MROH7: variants seen among roughly 807,000 people sequenced by gnomAD.
MROH7 encodes maestro heat-like repeat-containing protein family member 7.
In MROH7, 113 loss-of-function variants were observed where a neutral mutation model predicts 129.2. The ratio of observed to expected loss-of-function variants is 0.87; its 90% CI spans 0.75 to 1.02. The LOEUF (loss-of-function observed/expected upper bound fraction) is 1.02, where lower values mean the gene tolerates loss of function less well. Among genes scored for constraint, MROH7 ranks in the 50% least tolerant of loss-of-function variants. The probability of loss-of-function intolerance (pLI) is 0.00; values close to 1 mark genes in which losing one functional copy is unlikely to be tolerated. For missense variants in MROH7, 1,601 were observed against 1,671.3 expected (o/e 0.96, Z 0.73); for synonymous variants, 655 against 667.9 (o/e 0.98, Z 0.30).
At chr1:54,700,188 C>G (rs1645410091) in intron 17 of MROH7, 133 bp from the exon 18 acceptor site, 2 of 1,124,968 alleles carry the variant, frequency 1.8e-6, no homozygotes, top group Non-Finnish European at 2.6e-6. Flanking sequence ...TTCCAGCAAT[C>G]TGTTGGTTTT....
chr1:54,673,834 T>G (rs770798868), intron 9 of MROH7, 29 bp downstream of exon 9: 10 of 1,589,228 alleles, frequency 6.3e-6, no homozygotes, highest in South Asian at 4.4e-5. Flanking sequence ...GGGTGGACAC[T>G]CTTAGGGAAA....
intron 14 of MROH7, among the ~76,000 whole-genome samples, chr1:54,683,240 C>T (rs1645098592): frequency 2.0e-5 from 3 of 152,320 alleles, no homozygotes; most frequent in African/African-American, 7.2e-5. Context: ...CTATGAGGCT[C>T]AGTTTCTACA....
intron 3 of MROH7, among the ~76,000 whole-genome samples, chr1:54,657,186 T>G (rs1446768432): frequency 6.6e-6 from 1 of 151,840 alleles, no homozygotes; most frequent in Non-Finnish European, 1.5e-5. Context: ...TAGCTGGGAT[T>G]ACAAGCACGT....
chr1:54,679,373 G>A lies in MROH7; in HGVS notation c.2160G>A (p.Met720Ile). ...EAPGKDSREMMQLASEVMLSS... is the reference protein window; with the variant it reads ...EAPGKDSREMIQLASEVMLSS... ...CAGGGAAGGACTCCAGGGAGATGAT[G>A]CAGCTGGCCTCGGAGGTCATGCTCA... is the stretch of plus-strand genomic sequence containing the variant. The change falls in exon 12 of 24, where the codon ATG becomes ATA. Residue 720 changes from methionine (M) to isoleucine (I), a missense_variant. Transcript: ENST00000421030. 6.2e-7 allele frequency: 1 copy of A among 1,614,140 alleles called. No homozygotes were observed. Among genetic ancestry groups the A allele is most frequent in the Non-Finnish European group, 8.5e-7 (1 of 1,180,042 alleles).
intron 1 of MROH7, among the ~76,000 whole-genome samples, chr1:54,650,527 T>G (rs1644537907): frequency 6.6e-6 from 1 of 151,542 alleles, no homozygotes; most frequent in Non-Finnish European, 1.5e-5. Context: ...CCCTCTGGCC[T>G]TCCTCTTCCC....
chr1:54,693,263 A>AG (rs1324301780), intron 16 of MROH7, among the ~76,000 whole-genome samples: 1 of 152,228 alleles, frequency 6.6e-6, no homozygotes, highest in African/African-American at 2.4e-5. Context: ...CTGCAGAGGC[A>AG]ACATAGTGAA....
intron 17 of MROH7, 111 bp from the exon 18 acceptor site, chr1:54,700,210 G>C: frequency 7.0e-7 from 1 of 1,435,958 alleles, no homozygotes; most frequent in Non-Finnish European, 9.7e-7. Context: ...CAAGTCTGAA[G>C]CTCCGGGCAG....
At chr1:54,647,329 G>A (rs981848788) in intron 1 of MROH7, among the ~76,000 whole-genome samples, 1 of 151,964 alleles carries the variant, frequency 6.6e-6, no homozygotes, top group African/African-American at 2.4e-5. Flanking sequence ...GGGATAGGAG[G>A]CTGGGTGCAG....
At chr1:54,683,934 G>A (rs973231110) in intron 14 of MROH7, among the ~76,000 whole-genome samples, 3 of 152,228 alleles carry the variant, frequency 2.0e-5, no homozygotes, top group Non-Finnish European at 4.4e-5. Flanking sequence ...GTTTACACCA[G>A]TTGTCATTTG....
intron 3 of MROH7, among the ~76,000 whole-genome samples, chr1:54,663,571 A>C (rs1378417136): frequency 6.6e-6 from 1 of 151,514 alleles, no homozygotes; most frequent in East Asian, 1.9e-4. Flanking sequence ...GTGGGGTTTC[A>C]CCATGTTGTC....
intron 3 of MROH7, among the ~76,000 whole-genome samples, chr1:54,661,002 G>A (rs1242305099): frequency 2.8e-5 from 4 of 141,470 alleles, no homozygotes; most frequent in African/African-American, 5.4e-5. Context: ...CAGTTCAAAC[G>A]TTTTGTGCTT....
chr1:54,709,059 T>C lies in MROH7; in HGVS notation c.3713T>C (p.Leu1238Pro), dbSNP rs1005051992. The C allele has an allele frequency of 2.5e-6, 4 of 1,614,062 alleles. No individual in the cohort carries two copies. The highest frequency in any genetic ancestry group is 3.4e-6 in the Non-Finnish European group (4 of 1,180,022). The change falls in exon 23 of 24, where the codon CTG (leucine) becomes CCG (proline). Residue 1238 changes from leucine (L) to proline (P), a missense_variant. Physicochemically the swap from Leu to Pro is moderately conservative, Grantham distance 98 (BLOSUM62 -3). Coordinates refer to ENST00000421030, the MANE Select transcript of MROH7 (RefSeq NM_001039464.4). ...CMESIMTEDRLNEVKAALDNL... is the reference protein window; with the variant it reads ...CMESIMTEDRPNEVKAALDNL... ...GAGAGCATAATGACAGAAGATCGTC[T>C]GAATGAAGTGAAAGCTGGTAAGTCA...
At chr1:54,685,976 G>C (rs1440121914) in intron 14 of MROH7, among the ~76,000 whole-genome samples, 1 of 152,264 alleles carries the variant, frequency 6.6e-6, no homozygotes, top group South Asian at 2.1e-4. Flanking sequence ...CCTCTCAAGA[G>C]GTAGAAGGGA....
chr1:54,700,281 C>T (rs980071526), intron 17 of MROH7, 40 bp from the exon 18 acceptor site: 1 of 1,613,372 alleles, frequency 6.2e-7, no homozygotes, highest in Non-Finnish European at 8.5e-7. Context: ...GCTGCCCTGC[C>T]CCCCTCAGCC....
At chr1:54,705,966 G>A (rs1255094587) in intron 21 of MROH7, among the ~76,000 whole-genome samples, 1 of 152,090 alleles carries the variant, frequency 6.6e-6, no homozygotes, top group Non-Finnish European at 1.5e-5. Flanking sequence ...TACCCAAAAC[G>A]TGGCTTTCTC....
At chr1:54,643,287 C>A (rs1157662357) in intron 1 of MROH7, among the ~76,000 whole-genome samples, 1 of 152,048 alleles carries the variant, frequency 6.6e-6, no homozygotes, top group Non-Finnish European at 1.5e-5. Flanking sequence ...CCAGAGGGAG[C>A]AATTGAAGTT....
In MROH7 at chr1:54,710,161, T is replaced by C. The variant is rs779386790; in HGVS notation, c.3946T>C (p.Ser1316Pro). 1.2e-6 allele frequency: 2 copies of C among 1,613,178 alleles called. No homozygotes were observed. The highest frequency in any genetic ancestry group is 8.5e-7 in the Non-Finnish European group (1 of 1,179,904). The change falls in exon 24 of 24, where the codon TCC becomes CCC. Residue 1316 changes from serine (S) to proline (P), a missense_variant. Coordinates refer to ENST00000421030, the MANE Select transcript of MROH7 (RefSeq NM_001039464.4). ...CTCCTGGATCATGCAGGCACTGGGC[T>C]CCTGGAAGATGTCCTTGAAGAAGTG... is the stretch of plus-strand genomic sequence containing the variant. ...RRSWIMQALG[S>P]WKMSLKK
Position 54,686,309 on chromosome 1 carries a change from G to C in MROH7, c.2572G>C (p.Val858Leu). The C allele has an allele frequency of 6.2e-7, 1 of 1,614,150 alleles. No individual in the cohort carries two copies. The change falls in exon 15 of 24, where the codon GTG becomes CTG. Residue 858 changes from valine (V) to leucine (L), a missense_variant. Coordinates refer to ENST00000421030, the MANE Select transcript of MROH7 (RefSeq NM_001039464.4). ...GTCCGTCAACAGCTGCATGGGCCGT[G>C]TGAGGCGCATCTACCCTCAGCTGCT... ...LLSVNSCMGR[V>L]RRIYPQLLLA...
intron 10 of MROH7, among the ~76,000 whole-genome samples, chr1:54,676,328 C>T (rs1005229056): frequency 1.3e-5 from 2 of 152,034 alleles, no homozygotes; most frequent in African/African-American, 4.8e-5. Context: ...GCCTCAACCT[C>T]CCGGGCTCAG....
Sources: allele counts gnomAD v4.1 joint callset (sites outside exome capture counted in the v4.1 genomes callset), GRCh38; gene constraint gnomAD v4.1.1; transcripts MANE v1.5; gene names NCBI Gene and HGNC (gene_info 2026-07-23, HGNC 2026-07-21).